Variants in EXPH5 observed in about 807,000 individuals in gnomAD.
EXPH5 encodes exophilin 5.
In EXPH5, 42 loss-of-function variants were observed where a neutral mutation model predicts 41.1. The ratio of observed to expected loss-of-function variants is 1.02; its 90% CI spans 0.80 to 1.32. EXPH5 has a LOEUF of 1.32. Ranked by LOEUF, EXPH5 falls within the 40% of genes most tolerant of loss-of-function variation. The pLI is 0.00. For missense variants in EXPH5, 2,298 were observed against 2,314.5 expected (o/e 0.99, Z 0.15); for synonymous variants, 798 against 833.5 (o/e 0.96, Z 0.73).
At chr11:108,606,357 T>A in the EXPH5 span, among the ~76,000 whole-genome samples, 4 of 152,122 alleles carry the variant, frequency 2.6e-5, no homozygotes, top group Non-Finnish European at 4.4e-5. Flanking sequence ...TTCCCCACCT[T>A]CTGCTCCCCA....
At chr11:108,570,385 G>A (rs2094054775) in intron 1 of EXPH5, among the ~76,000 whole-genome samples, 1 of 152,090 alleles carries the variant, frequency 6.6e-6, no homozygotes, top group Admixed American at 6.5e-5. Flanking sequence ...CTCCTGAGTA[G>A]CTGGGATCAC....
At position 108,532,352 on chromosome 11, in the gene EXPH5, ATATATATATATATATTTTTTTTTT is replaced by A. The variant is rs1565800073; in HGVS notation, c.444-4192_444-4169del. Among the ~76,000 whole-genome samples, 11 of 7,660 alleles carry A rather than the reference ATATATATATATATATTTTTTTTTT, an allele frequency of 1.4e-3. No homozygotes were observed. In the South Asian group the frequency reaches 0.046, roughly 32 times the overall value. The allele number at this position is 7,660 out of a possible 152,430, so 5.0% of individuals were successfully genotyped here. A position where few individuals can be genotyped will look rare whatever the true frequency, so the allele number is the denominator to read the frequency against. Reference sequence around the variant, plus strand: ...ACCACCACACTGGATATATATATATATATATATATATATATTTTTTTTTTTTTTTTTTTTTTTTTTTTTGTAGAG... The same window carrying A: ...ACCACCACACTGGATATATATATATATTTTTTTTTTTTTTTTTTTGTAGAG... On this transcript the variant is annotated intron_variant, in intron 3 of 5. Transcript: ENST00000265843.
chr11:108,557,090 C>T (rs578229730), intron 1 of EXPH5, among the ~76,000 whole-genome samples: 2 of 152,226 alleles, frequency 1.3e-5, no homozygotes, highest in Non-Finnish European at 2.9e-5. Context: ...GCCATTTAGG[C>T]CTTAGCTAAA....
At chr11:108,604,485 C>T in the EXPH5 span, among the ~76,000 whole-genome samples, 4 of 152,044 alleles carry the variant, frequency 2.6e-5, no homozygotes, top group African/African-American at 9.7e-5. Context: ...CCCTCATTAC[C>T]CTACTCAGCC....
chr11:108,588,019 C>T (rs2094118529), intron 1 of EXPH5, among the ~76,000 whole-genome samples: 2 of 152,194 alleles, frequency 1.3e-5, no homozygotes, highest in African/African-American at 2.4e-5. Flanking sequence ...TCCCAAAGTG[C>T]TGGGATTACA....
chr11:108,510,108 A>C lies in EXPH5; in HGVS notation c.5399T>G (p.Ile1800Ser), dbSNP rs1268336988. 5.6e-6 allele frequency: 9 copies of C among 1,613,604 alleles called. No individual in the cohort carries two copies. The highest frequency in any genetic ancestry group is 6.8e-6 in the Non-Finnish European group (8 of 1,179,968). ...HLYRSKSLKSINVHGDLLRKS... is the reference protein window; with the variant it reads ...HLYRSKSLKSSNVHGDLLRKS... ...TCGTAGTAGATCGCCATGAACATTA[A>C]TGCTTTTTAAACTCTTTGAACGATA... Residue 1800 changes from isoleucine (I) to serine (S), a missense_variant, in exon 6 of 6, where the codon ATT (isoleucine) becomes AGT (serine). Coordinates refer to ENST00000265843, the MANE Select transcript of EXPH5 (RefSeq NM_015065.3).
chr11:108,590,054 T>C (rs183088864), intron 1 of EXPH5, among the ~76,000 whole-genome samples: 1 of 152,350 alleles, frequency 6.6e-6, no homozygotes, highest in Admixed American at 6.5e-5. Flanking sequence ...TCCTCCACCT[T>C]AATCTCCTAC....
At chr11:108,546,781 T>G (rs1028930068) in intron 1 of EXPH5, among the ~76,000 whole-genome samples, 1 of 152,046 alleles carries the variant, frequency 6.6e-6, no homozygotes, top group Non-Finnish European at 1.5e-5. Flanking sequence ...AAAAATACTT[T>G]ATAAATACTG....
chr11:108,538,639 G>A (rs1591711379), intron 3 of EXPH5, among the ~76,000 whole-genome samples: 1 of 151,974 alleles, frequency 6.6e-6, no homozygotes, highest in South Asian at 2.1e-4. Flanking sequence ...TGACCAGGAC[G>A]TGACCAGGAC....
chr11:108,511,636 T>C lies in EXPH5; in HGVS notation c.3871A>G (p.Asn1291Asp), dbSNP rs757025199. ...TTCTGTTTGTCTTTTTCTAAAGCGTTAGGAAATGTTTCAGTCTCCACTTGA... is the reference window on the plus strand; with the variant it reads ...TTCTGTTTGTCTTTTTCTAAAGCGTCAGGAAATGTTTCAGTCTCCACTTGA... ...SPQVETETFP[N>D]ALEKDKQNYS... is the part of the protein sequence containing the mutation. Residue 1291 changes from asparagine (N) to aspartate (D), a missense_variant, in exon 6 of 6, where the codon AAC (asparagine) becomes GAC (aspartate). Asn to Asp is a conservative substitution (Grantham distance 23, BLOSUM62 1). Coordinates refer to ENST00000265843, the MANE Select transcript of EXPH5 (RefSeq NM_015065.3). 1.2e-6 allele frequency: 2 copies of C among 1,610,172 alleles called. No homozygotes were observed. The highest frequency in any genetic ancestry group is 1.3e-5 in the African/African-American group (1 of 74,670).
chr11:108,548,024 A>C (rs1255024422), intron 1 of EXPH5, among the ~76,000 whole-genome samples: 1 of 150,702 alleles, frequency 6.6e-6, no homozygotes, highest in East Asian at 1.9e-4. Context: ...CAGAAGAATC[A>C]CTTAAACCCA....
At chr11:108,524,487 A>G (rs1772883951) in intron 4 of EXPH5, among the ~76,000 whole-genome samples, 1 of 152,228 alleles carries the variant, frequency 6.6e-6, no homozygotes, top group Non-Finnish European at 1.5e-5. Context: ...ATGAGAGGCC[A>G]TTGCAAAATG....
chr11:108,548,747 T>C (rs924994730), intron 1 of EXPH5, among the ~76,000 whole-genome samples: 7 of 152,228 alleles, frequency 4.6e-5, no homozygotes, highest in Non-Finnish European at 1.0e-4. Flanking sequence ...GTATAGTTTG[T>C]ACATTGACAA....
In EXPH5 at chr11:108,514,580, ATCT is replaced by A; in HGVS notation, c.924_926del (p.Glu308del). On this transcript the variant is annotated inframe_deletion, in exon 6 of 6. Coordinates refer to ENST00000265843, the MANE Select transcript of EXPH5 (RefSeq NM_015065.3). ...TGCCAAAAGTATTCTTTTGCACATA[ATCT>A]TCTTTAAAGACTCTGGGCTCCCTTG... 2.5e-6 allele frequency: 4 copies of A among 1,613,998 alleles called. No individual in the cohort carries two copies. The highest frequency in any genetic ancestry group is 2.2e-5 in the South Asian group (2 of 91,052).
At chr11:108,544,571 T>C (rs2093928850) in intron 1 of EXPH5, among the ~76,000 whole-genome samples, 1 of 152,222 alleles carries the variant, frequency 6.6e-6, no homozygotes, top group Non-Finnish European at 1.5e-5. Flanking sequence ...TTCTGTCTTC[T>C]GGCCAATGAA....
At chr11:108,550,555 G>A (rs2093959075) in intron 1 of EXPH5, among the ~76,000 whole-genome samples, 1 of 152,188 alleles carries the variant, frequency 6.6e-6, no homozygotes, top group Non-Finnish European at 1.5e-5. Flanking sequence ...GAGGCAGACG[G>A]ATCATTTGAG....
intron 1 of EXPH5, among the ~76,000 whole-genome samples, chr11:108,565,487 T>C (rs2094030679): frequency 6.6e-6 from 1 of 152,214 alleles, no homozygotes; most frequent in Non-Finnish European, 1.5e-5. Flanking sequence ...CTTGCCTTTC[T>C]TCAAGTTGCA....
At position 108,509,907 on chromosome 11, in the gene EXPH5, C is replaced by G; in HGVS notation, c.5600G>C (p.Arg1867Pro). The G allele has an allele frequency of 6.2e-7, 1 of 1,607,754 alleles. No individual in the cohort carries two copies. The highest frequency in any genetic ancestry group is 8.5e-7 in the Non-Finnish European group (1 of 1,177,628). ...SCDGNESWAYRSGTKTGPRSA... is the reference protein window; with the variant it reads ...SCDGNESWAYPSGTKTGPRSA... The stretch of plus-strand genomic sequence containing the variant: ...CCTGGGACCTGTTTTTGTCCCGCTG[C>G]GATAAGCCCAACTTTCATTTCCATC... Residue 1867 changes from arginine to proline, a missense_variant, in exon 6 of 6, where the codon CGC (arginine) becomes CCC (proline). Physicochemically the swap from Arg to Pro is moderately radical, Grantham distance 103. Transcript: ENST00000265843.
intron 1 of EXPH5, among the ~76,000 whole-genome samples, chr11:108,579,959 T>A (rs1591757738): frequency 6.6e-6 from 1 of 152,064 alleles, no homozygotes; most frequent in Non-Finnish European, 1.5e-5. Flanking sequence ...TAGGAGAAAA[T>A]ATAGAGGAAA....
Sources: gnomAD v4.1 joint callset for allele counts (sites outside exome capture counted in the v4.1 genomes callset) on GRCh38, gnomAD v4.1.1 for gene constraint, MANE v1.5 for transcripts, NCBI Gene and HGNC (gene_info 2026-07-23, HGNC 2026-07-21) for gene names.